The following DPYSL3 variants were observed in gnomAD, a reference collection of about 807,000 sequenced individuals.
The protein encoded by DPYSL3 is dihydropyrimidinase like 3.
DPYSL3 carries 16 observed loss-of-function variants against 66.1 expected under a neutral mutation model. The observed-to-expected ratio is 0.24, with a 90% CI of 0.16 to 0.37. The LOEUF (loss-of-function observed/expected upper bound fraction) is 0.37. Ranked by LOEUF, DPYSL3 falls within the 10% of genes least tolerant of loss-of-function variation. The probability of loss-of-function intolerance (pLI) is 1.00; values close to 1 mark genes in which losing one functional copy is unlikely to be tolerated. For missense variants in DPYSL3, 738 were observed against 916.2 expected (o/e 0.81, Z 2.51); for synonymous variants, 338 against 345.1 (o/e 0.98, Z 0.23).
chr5:147,471,337 C>T (rs980537586), intron 1 of DPYSL3, among the ~76,000 whole-genome samples: 66 of 152,142 alleles, frequency 4.3e-4, no homozygotes, highest in African/African-American at 1.5e-3. Context: ...TGTAAGCCTC[C>T]ACCTAGGCTA....
intron 1 of DPYSL3, among the ~76,000 whole-genome samples, chr5:147,481,568 A>G (rs1226137744): frequency 6.6e-6 from 1 of 152,240 alleles, no homozygotes; most frequent in Admixed American, 6.5e-5. Context: ...TGTGGTTTGA[A>G]TATGTTCACC....
At chr5:147,424,757 C>T in intron 2 of DPYSL3, 118 bp downstream of exon 2, 4 of 769,444 alleles carry the variant, frequency 5.2e-6, no homozygotes, top group Non-Finnish European at 8.2e-6. Flanking sequence ...TATCTCACTT[C>T]ATTCTGTTGA....
At chr5:147,445,638 C>T (rs1196146296) in intron 1 of DPYSL3, among the ~76,000 whole-genome samples, 2 of 152,126 alleles carry the variant, frequency 1.3e-5, no homozygotes, top group Non-Finnish European at 2.9e-5. Context: ...AGATTATTTC[C>T]ATTGGATGGC....
At chr5:147,413,547 T>C (rs756645668) in intron 5 of DPYSL3, 49 bp downstream of exon 5, 1 of 1,465,434 alleles carries the variant, frequency 6.8e-7, no homozygotes. Flanking sequence ...TCAACAACAA[T>C]AGGAAACCCA....
chr5:147,414,809 C>T lies in DPYSL3; in HGVS notation c.820+900G>A, dbSNP rs1162392546. 2.0e-5 allele frequency among the ~76,000 whole-genome samples: 3 copies of T among 152,120 alleles called. No individual in the cohort carries two copies. The East Asian group carries it at 5.8e-4, about 29-fold the overall frequency. On this transcript the variant is annotated intron_variant, in intron 4 of 13. Transcript: ENST00000343218. ...TCTGAGGGGGTCATCCTTTCCCTGC[C>T]ATCCCAGGGCACACTCTTCCAGTGG...
chr5:147,479,421 T>C (rs1753205658), intron 1 of DPYSL3, among the ~76,000 whole-genome samples: 1 of 152,080 alleles, frequency 6.6e-6, no homozygotes, highest in South Asian at 2.1e-4. Context: ...AGGACAACTG[T>C]TTAGGAGCGC....
At chr5:147,426,033 C>CCATCCATCCATCCATT (rs1460483690) in intron 1 of DPYSL3, among the ~76,000 whole-genome samples, 2 of 152,120 alleles carry the variant, frequency 1.3e-5, no homozygotes. Context: ...ATCCATCCAT[C>CCATCCATCCATCCATT]CATCCATCCA....
chr5:147,489,516 G>A (rs903776534), intron 1 of DPYSL3, among the ~76,000 whole-genome samples: 3 of 152,142 alleles, frequency 2.0e-5, no homozygotes, highest in Non-Finnish European at 4.4e-5. Flanking sequence ...ATTTTGTAGA[G>A]TTGTCATGAG....
chr5:147,400,427 A>G (rs1216843051), intron 10 of DPYSL3, among the ~76,000 whole-genome samples: 1 of 152,250 alleles, frequency 6.6e-6, no homozygotes, highest in East Asian at 1.9e-4. Context: ...CTATTCGTAC[A>G]CTCAGATGAA....
intron 1 of DPYSL3, among the ~76,000 whole-genome samples, chr5:147,469,624 CA>C (rs1265984596): frequency 6.6e-6 from 1 of 152,112 alleles, no homozygotes; most frequent in African/African-American, 2.4e-5. Flanking sequence ...AAAAGATAGC[CA>C]AAAGGTGAAC....
chr5:147,455,598 T>G (rs752152883), intron 1 of DPYSL3, among the ~76,000 whole-genome samples: 2 of 152,178 alleles, frequency 1.3e-5, no homozygotes, highest in Non-Finnish European at 2.9e-5. Context: ...AGGATTATAT[T>G]TAGAACAGAG....
intron 1 of DPYSL3, among the ~76,000 whole-genome samples, chr5:147,464,324 C>G (rs1422025280): frequency 6.6e-6 from 1 of 152,152 alleles, no homozygotes; most frequent in Non-Finnish European, 1.5e-5. Flanking sequence ...TCCCAGGGAC[C>G]CAACTCGAAA....
At chr5:147,474,962 T>C (rs543150062) in intron 1 of DPYSL3, among the ~76,000 whole-genome samples, 26 of 152,148 alleles carry the variant, frequency 1.7e-4, no homozygotes, top group Middle Eastern at 3.4e-3. Context: ...AAGGAGAGTA[T>C]GTATGAAAAA....
chr5:147,469,527 T>G (rs530941394), intron 1 of DPYSL3, among the ~76,000 whole-genome samples: 3 of 152,322 alleles, frequency 2.0e-5, no homozygotes, highest in African/African-American at 7.2e-5. Context: ...CTGGGAATGC[T>G]CCAATAAACT....
At chr5:147,415,175 T>C (rs1457951692) in intron 4 of DPYSL3, among the ~76,000 whole-genome samples, 1 of 152,094 alleles carries the variant, frequency 6.6e-6, no homozygotes, top group Non-Finnish European at 1.5e-5. Context: ...ATGAACATGT[T>C]TTCACACCCT....
intron 1 of DPYSL3, among the ~76,000 whole-genome samples, chr5:147,496,207 TG>T (rs1185663481): frequency 1.3e-5 from 2 of 152,184 alleles, no homozygotes; most frequent in African/African-American, 4.8e-5. Context: ...TGTAGAAAGC[TG>T]AAACTGGATC....
chr5:147,458,054 G>A (rs1453806074), intron 1 of DPYSL3, among the ~76,000 whole-genome samples: 1 of 152,172 alleles, frequency 6.6e-6, no homozygotes, highest in Non-Finnish European at 1.5e-5. Flanking sequence ...GGAAAATATG[G>A]TATGATTATC....
intron 8 of DPYSL3, among the ~76,000 whole-genome samples, chr5:147,402,352 T>A (rs78506709): frequency 1.0e-4 from 15 of 146,882 alleles, no homozygotes; most frequent in African/African-American, 3.3e-4. Flanking sequence ...TTTTTTTTTT[T>A]TCTTTTTTTT....
intron 1 of DPYSL3, among the ~76,000 whole-genome samples, chr5:147,443,321 T>C (rs1752569211): frequency 6.6e-6 from 1 of 152,214 alleles, no homozygotes; most frequent in African/African-American, 2.4e-5. Context: ...TGAGATCATG[T>C]CCTTTGCAGG....
Sources: allele counts gnomAD v4.1 joint callset (sites outside exome capture counted in the v4.1 genomes callset), GRCh38; gene constraint gnomAD v4.1.1; transcripts MANE v1.5; gene names NCBI Gene and HGNC (gene_info 2026-07-23, HGNC 2026-07-21).